The following SOX6 variants were observed in gnomAD, a reference collection of about 807,000 sequenced individuals.
SOX6 encodes the protein transcription factor SOX-6.
A neutral mutation model predicts 97.8 loss-of-function variants in SOX6; 11 were observed. The observed-to-expected ratio is 0.11, with a 90% confidence interval of 0.07 to 0.19. The LOEUF is 0.19. SOX6 is among the 10% of genes least tolerant of loss of function. The pLI is 1.00. For missense variants in SOX6, 810 were observed against 1,039.5 expected (o/e 0.78, Z 3.04); for synonymous variants, 360 against 371.4 (o/e 0.97, Z 0.35).
chr11:16,181,862 T>A (rs530084765), intron 6 of SOX6, among the ~76,000 whole-genome samples: 1 of 151,934 alleles, frequency 6.6e-6, no homozygotes, highest in East Asian at 1.9e-4. Context: ...TATCTTTATT[T>A]TATAATTTAT....
At chr11:16,046,462 AGAGT>A (rs1352618945) in intron 12 of SOX6, 48 bp downstream of exon 12, 3 of 1,595,754 alleles carry the variant, frequency 1.9e-6, no homozygotes, top group Non-Finnish European at 2.6e-6. Flanking sequence ...GAACCAGATG[AGAGT>A]GAGCCAATAA....
At chr11:16,249,840 A>G (rs1254998480) in intron 3 of SOX6, among the ~76,000 whole-genome samples, 2 of 152,158 alleles carry the variant, frequency 1.3e-5, no homozygotes, top group African/African-American at 4.8e-5. Context: ...ACAGTTGATC[A>G]AGTGTTCTCA....
At chr11:16,132,636 AGG>A (rs895822095) in intron 6 of SOX6, among the ~76,000 whole-genome samples, 1 of 151,510 alleles carries the variant, frequency 6.6e-6, no homozygotes, top group African/African-American at 2.4e-5. Flanking sequence ...TAAACAGAAA[AGG>A]GGTTCCATTG....
chr11:16,112,210 C>A (rs1446200485), intron 6 of SOX6, among the ~76,000 whole-genome samples: 3 of 151,962 alleles, frequency 2.0e-5, no homozygotes, highest in African/African-American at 7.2e-5. Context: ...TTTATTTTTT[C>A]TTTTAAACAA....
chr11:16,163,000 T>C (rs1850792440), intron 6 of SOX6, among the ~76,000 whole-genome samples: 1 of 147,862 alleles, frequency 6.8e-6, no homozygotes, highest in Non-Finnish European at 1.5e-5. Context: ...GAGAGTAGGG[T>C]GAATAAAGAT....
intron 3 of SOX6, among the ~76,000 whole-genome samples, chr11:16,254,575 G>T (rs1379066835): frequency 2.0e-5 from 3 of 151,920 alleles, no homozygotes; most frequent in Non-Finnish European, 2.9e-5. Flanking sequence ...TGGATTAATT[G>T]TAACTGAATA....
At chr11:16,436,114 T>C (rs1173685844) in intron 1 of SOX6, among the ~76,000 whole-genome samples, 3 of 152,154 alleles carry the variant, frequency 2.0e-5, no homozygotes, top group African/African-American at 7.2e-5. Context: ...ATATATCAAA[T>C]CAATAATGAT....
Position 16,384,189 on chromosome 11 carries a change from C to A in SOX6, c.-4-42937G>T, listed in dbSNP as rs115260741. Among the ~76,000 whole-genome samples, 512 of 144,824 alleles carry A rather than the reference C, an allele frequency of 3.5e-3. 6 individuals are homozygous for A. Among genetic ancestry groups the A allele is most frequent in the African/African-American group, 0.013 (495 of 39,132 alleles). On this transcript the variant is annotated intron_variant, in intron 1 of 15. Transcript: ENST00000396356. Reference sequence around the variant, plus strand: ...AAATATAGGTTATTTTAATTATCTTCTTTAACCTTTCTATTTTTTCTAAAC... The same window carrying A: ...AAATATAGGTTATTTTAATTATCTTATTTAACCTTTCTATTTTTTCTAAAC...
chr11:16,317,619 G>A (rs533171611), intron 3 of SOX6: 1 of 154,050 alleles, frequency 6.5e-6, no homozygotes, highest in African/African-American at 2.4e-5. Flanking sequence ...AGCCCTCAAA[G>A]GAATAAAATT....
intron 1 of SOX6, among the ~76,000 whole-genome samples, chr11:16,413,874 T>G (rs1257242140): frequency 6.6e-6 from 1 of 152,144 alleles, no homozygotes; most frequent in African/African-American, 2.4e-5. Context: ...TTTTGGCCAT[T>G]AATATCTTGG....
At chr11:16,075,979 A>G (rs1848343094) in intron 9 of SOX6, among the ~76,000 whole-genome samples, 1 of 152,124 alleles carries the variant, frequency 6.6e-6, no homozygotes, top group South Asian at 2.1e-4. Flanking sequence ...GGTCCCTCCC[A>G]TGACATGTGG....
intron 9 of SOX6, among the ~76,000 whole-genome samples, chr11:16,092,417 G>A (rs547808616): frequency 2.6e-5 from 4 of 152,054 alleles, no homozygotes; most frequent in East Asian, 3.9e-4. Flanking sequence ...TGGCAGTGCC[G>A]CCAGTGACTG....
intron 1 of SOX6, among the ~76,000 whole-genome samples, chr11:16,349,718 AG>A (rs1856878504): frequency 2.0e-4 from 18 of 91,400 alleles, no homozygotes; most frequent in African/African-American, 5.8e-4. Flanking sequence ...GGAAGGAAGA[AG>A]GAAGGAAGGA....
intron 4 of SOX6, among the ~76,000 whole-genome samples, chr11:16,500,946 T>C (rs1237696115): frequency 6.6e-5 from 10 of 152,114 alleles, no homozygotes; most frequent in Admixed American, 5.9e-4. Context: ...CTTCACAGAA[T>C]TGGAAAAAAC....
At chr11:16,205,739 A>G (rs181441931) in intron 4 of SOX6, among the ~76,000 whole-genome samples, 110 of 152,250 alleles carry the variant, frequency 7.2e-4, no homozygotes, top group Admixed American at 3.1e-3. Context: ...GTTTAATAAG[A>G]GCTATTAAAG....
intron 3 of SOX6, among the ~76,000 whole-genome samples, chr11:16,651,416 A>T (rs1847652278): frequency 6.6e-6 from 1 of 152,168 alleles, no homozygotes; most frequent in Non-Finnish European, 1.5e-5. Flanking sequence ...TATCAAAAAG[A>T]TAATACACCA....
chr11:16,123,138 A>G (rs1161203909), intron 6 of SOX6, among the ~76,000 whole-genome samples: 2 of 152,224 alleles, frequency 1.3e-5, no homozygotes, highest in Non-Finnish European at 1.5e-5. Flanking sequence ...ATCATCATCA[A>G]TTATAATCCT....
At chr11:16,674,587 G>A (rs1017516489) in intron 3 of SOX6, among the ~76,000 whole-genome samples, 7 of 152,150 alleles carry the variant, frequency 4.6e-5, no homozygotes, top group African/African-American at 1.7e-4. Flanking sequence ...GGCAGCCAAG[G>A]CTGGGCATGG....
At position 16,120,242 on chromosome 11, in the gene SOX6, C is replaced by T. The variant is rs1052872406; in HGVS notation, c.778-8319G>A. Reference sequence around the variant, plus strand: ...CTTCTCTCTCTCTCTCTCACTCACTCCTCTCTCTCTCTCTCTCTGTCTCTC... The same window carrying T: ...CTTCTCTCTCTCTCTCTCACTCACTTCTCTCTCTCTCTCTCTCTGTCTCTC... On this transcript the variant is annotated intron_variant, in intron 6 of 15. Coordinates refer to ENST00000683767, the MANE Select transcript of SOX6 (RefSeq NM_001367873.1). Among the ~76,000 whole-genome samples the T allele has an allele frequency of 4.2e-5, 6 of 142,094 alleles. No homozygotes were observed. In the South Asian group the frequency reaches 1.4e-3, roughly 33 times the overall value. The allele number at this position is 142,094 out of a possible 152,430, so 93.2% of individuals were successfully genotyped here.
Sources: allele counts gnomAD v4.1 joint callset (sites outside exome capture counted in the v4.1 genomes callset), GRCh38; gene constraint gnomAD v4.1.1; transcripts MANE v1.5; gene names NCBI Gene and HGNC (gene_info 2026-07-23, HGNC 2026-07-21).